The following UGT2B7 variants were observed in gnomAD, a reference collection of about 807,000 sequenced individuals.
The protein encoded by UGT2B7 is UDP glucuronosyltransferase family 2 member B7.
Under a neutral mutation model 51.9 loss-of-function variants are expected in UGT2B7, and 51 were observed. The observed-to-expected ratio is 0.98, with a 90% CI of 0.78 to 1.24. The LOEUF (loss-of-function observed/expected upper bound fraction) is 1.24. Ranked by LOEUF, UGT2B7 falls within the 50% of genes most tolerant of loss-of-function variation. The pLI, the probability that UGT2B7 is intolerant of heterozygous loss-of-function variation, is 0.00. For synonymous variants in UGT2B7, 225 were observed against 211.6 expected (o/e 1.06, Z -0.55); for missense variants, 727 against 628.4 (o/e 1.16, Z -1.68).
chr4:69,083,942 C>A (rs1462652628), intron 1 of UGT2B7, among the ~76,000 whole-genome samples: 1 of 152,100 alleles, frequency 6.6e-6, no homozygotes, highest in African/African-American at 2.4e-5. Context: ...ACGTGGACAT[C>A]TTTGTCTTGT....
chr4:69,105,679 AAATACTGAT>A (rs1719573117), intron 3 of UGT2B7, among the ~76,000 whole-genome samples: 1 of 152,196 alleles, frequency 6.6e-6, no homozygotes, highest in African/African-American at 2.4e-5. Flanking sequence ...CCAAAATTAG[AAATACTGAT>A]AATACTCTGA....
Position 69,107,127 on chromosome 4 carries a change from A to T in UGT2B7, c.1003-48A>T, listed in dbSNP as rs1272501790. On this transcript the variant is annotated intron_variant, in intron 3 of 5. Transcript: ENST00000305231. ...CTTTATACAGTTCTCACATTCTATA[A>T]CTTTTGAATTCCACTCATGGAATAA... 1 of 1,569,380 alleles carries T rather than the reference A, an allele frequency of 6.4e-7. No homozygotes were observed. The highest frequency in any genetic ancestry group is 1.1e-5 in the South Asian group (1 of 88,624).
At chr4:69,087,118 C>T (rs1298235025) in intron 1 of UGT2B7, among the ~76,000 whole-genome samples, 2 of 150,838 alleles carry the variant, frequency 1.3e-5, no homozygotes, top group Non-Finnish European at 1.5e-5. Flanking sequence ...CTCACTCTGT[C>T]TCTCTCTCTC....
chr4:69,094,972 T>G (rs1039527925), upstream of UGT2B7, among the ~76,000 whole-genome samples: 37 of 152,358 alleles, frequency 2.4e-4, no homozygotes, highest in African/African-American at 7.0e-4. Context: ...TAGTAACTCC[T>G]CACTTATTTG....
chr4:69,066,515 G>T (rs1278611382), intron 1 of UGT2B7: 3 of 151,972 alleles, frequency 2.0e-5, no homozygotes, highest in Admixed American at 1.3e-4. Flanking sequence ...GAAAACTTTG[G>T]TAACAGCATA....
Position 69,097,100 on chromosome 4 carries a change from G to C in UGT2B7, c.580G>C (p.Val194Leu). Residue 194 changes from valine (V) to leucine (L), a missense_variant, in exon 1 of 6, where the codon GTA becomes CTA. By Grantham distance (32) the Val-to-Leu change is conservative (BLOSUM62 1). Coordinates refer to ENST00000305231, the MANE Select transcript of UGT2B7 (RefSeq NM_001074.4). ...SGGFIFPPSYVPVVMSELTDQ... is the reference protein window; with the variant it reads ...SGGFIFPPSYLPVVMSELTDQ... ...AGGATTTATTTTCCCTCCTTCCTACGTACCTGTTGTTATGTCAGAATTAAC... is the reference window on the plus strand; with the variant it reads ...AGGATTTATTTTCCCTCCTTCCTACCTACCTGTTGTTATGTCAGAATTAAC... The C allele has an allele frequency of 6.2e-7, 1 of 1,613,580 alleles. No homozygotes were observed.
chr4:69,097,363 A>T, intron 1 of UGT2B7, 122 bp downstream of exon 1: 1 of 1,168,292 alleles, frequency 8.6e-7, no homozygotes, highest in Non-Finnish European at 1.2e-6. Flanking sequence ...ATAAAACAAA[A>T]ATACAAGATG....
rs1448992744 is a variant in UGT2B7 at position 69,096,997 on chromosome 4, G to T, written c.477G>T (p.Leu159=). 1 of 1,613,634 alleles carries T rather than the reference G, an allele frequency of 6.2e-7. No homozygotes were observed. Among genetic ancestry groups the T allele is most frequent in the Non-Finnish European group, 8.5e-7 (1 of 1,179,800 alleles). ...ATGCTATTTTTCCCTGTAGTGAGCT[G>T]CTGGCTGAGCTATTTAACATACCCT... ...FADAIFPCSE[L]LAELFNIPFV... The change falls in exon 1 of 6, where the codon CTG becomes CTT. Residue 159 remains leucine (L), a synonymous_variant. Transcript: ENST00000305231.
At chr4:69,101,287 AAT>A (rs1309817781) in intron 2 of UGT2B7, among the ~76,000 whole-genome samples, 1 of 152,074 alleles carries the variant, frequency 6.6e-6, no homozygotes, top group Non-Finnish European at 1.5e-5. Flanking sequence ...ATGATGAAAA[AAT>A]ATATTTTACA....
Position 69,108,323 on chromosome 4 carries a change from G to A in UGT2B7, c.1310+1G>A, listed in dbSNP as rs753618139. 2.0e-5 allele frequency: 32 copies of A among 1,613,044 alleles called. No individual in the cohort carries two copies. The highest frequency in any genetic ancestry group is 6.7e-5 in the African/African-American group (5 of 74,870). On this transcript the variant is annotated splice_donor_variant, in intron 5 of 5. Transcript: ENST00000305231. LOFTEE classifies it high-confidence loss of function. Reference sequence around the variant, plus strand: ...TGAAGAGAGTAATTAATGATCCTTCGTGAGTAGAACAATATTTTTCACTAG... The same window carrying A: ...TGAAGAGAGTAATTAATGATCCTTCATGAGTAGAACAATATTTTTCACTAG...
At chr4:69,063,522 G>C (rs1718405256) in intron 1 of UGT2B7, among the ~76,000 whole-genome samples, 1 of 152,086 alleles carries the variant, frequency 6.6e-6, no homozygotes, top group Non-Finnish European at 1.5e-5. Flanking sequence ...GCAAGCCACA[G>C]AAATAAGGAT....
chr4:69,098,487 A>T lies in UGT2B7; in HGVS notation c.722-53A>T, dbSNP rs1291339023. On this transcript the variant is annotated intron_variant, in intron 1 of 5. Coordinates refer to ENST00000305231, the MANE Select transcript of UGT2B7 (RefSeq NM_001074.4). ...TTATTCTAACCCCTTTCAGAAATTT[A>T]CCTAAAGTAATTATCTTGTGTCATC... The T allele has an allele frequency of 6.4e-7, 1 of 1,569,332 alleles. No individual in the cohort carries two copies. Among genetic ancestry groups the T allele is most frequent in the Non-Finnish European group, 8.6e-7 (1 of 1,167,428 alleles).
chr4:69,110,205 C>T (rs1324602662), intron 5 of UGT2B7, among the ~76,000 whole-genome samples: 1 of 151,908 alleles, frequency 6.6e-6, no homozygotes, highest in African/African-American at 2.4e-5. Flanking sequence ...GACACATTTT[C>T]CTAGAGCATG....
At chr4:69,102,633 A>T (rs554323510) in intron 2 of UGT2B7, among the ~76,000 whole-genome samples, 174 bp from the exon 3 acceptor site, 2 of 152,108 alleles carry the variant, frequency 1.3e-5, no homozygotes, top group Admixed American at 6.6e-5. Context: ...CCTATCTCAT[A>T]TTATACATCT....
upstream of UGT2B7, among the ~76,000 whole-genome samples, chr4:69,095,862 A>G (rs892543605): frequency 6.6e-6 from 1 of 152,184 alleles, no homozygotes; most frequent in African/African-American, 2.4e-5. Context: ...ATATTGTATG[A>G]TTCTATGCAT....
intron 1 of UGT2B7, among the ~76,000 whole-genome samples, chr4:69,083,620 C>G (rs148467519): frequency 3.3e-4 from 50 of 152,052 alleles, no homozygotes; most frequent in African/African-American, 1.2e-3. Flanking sequence ...TAAACCTATT[C>G]CTACACAATT....
intron 4 of UGT2B7, among the ~76,000 whole-genome samples, chr4:69,107,764 A>G (rs975439706): frequency 6.6e-6 from 1 of 151,718 alleles, no homozygotes; most frequent in Non-Finnish European, 1.5e-5. Context: ...TGCCTTGCCC[A>G]CCCCATATAT....
intron 2 of UGT2B7, among the ~76,000 whole-genome samples, chr4:69,099,659 T>G (rs767509600): frequency 1.3e-5 from 2 of 151,926 alleles, no homozygotes; most frequent in Non-Finnish European, 2.9e-5. Flanking sequence ...AGTGGAAAAA[T>G]ATTAACACAG....
chr4:69,097,133 A>G lies in UGT2B7; in HGVS notation c.613A>G (p.Met205Val). The G allele has an allele frequency of 6.2e-7, 1 of 1,613,646 alleles. No individual in the cohort carries two copies. The highest frequency in any genetic ancestry group is 8.5e-7 in the Non-Finnish European group (1 of 1,179,682). The part of the protein sequence containing the change: ...PVVMSELTDQ[M>V]TFMERVKNMI... ...TGTTATGTCAGAATTAACTGATCAAATGACTTTCATGGAGAGGGTAAAAAA... is the reference window on the plus strand; with the variant it reads ...TGTTATGTCAGAATTAACTGATCAAGTGACTTTCATGGAGAGGGTAAAAAA... Residue 205 changes from methionine to valine, a missense_variant, in exon 1 of 6, where the codon ATG (methionine) becomes GTG (valine). By Grantham distance (21) the Met-to-Val change is conservative (BLOSUM62 1). Coordinates refer to ENST00000305231, the MANE Select transcript of UGT2B7 (RefSeq NM_001074.4).
Sources: allele counts gnomAD v4.1 joint callset (sites outside exome capture counted in the v4.1 genomes callset), GRCh38; gene constraint gnomAD v4.1.1; transcripts MANE v1.5; gene names NCBI Gene and HGNC (gene_info 2026-07-23, HGNC 2026-07-21).